KSR2: variants seen among roughly 807,000 people sequenced by gnomAD.
The protein encoded by KSR2 is kinase suppressor of ras 2.
Under a neutral mutation model 107.8 loss-of-function variants are expected in KSR2, and 25 were observed. The observed-to-expected ratio is 0.23, with a 90% CI of 0.17 to 0.32. KSR2 has a LOEUF of 0.32. Ranked by LOEUF, KSR2 falls within the 10% of genes least tolerant of loss-of-function variation. The probability of loss-of-function intolerance (pLI) is 1.00; values close to 1 mark genes in which losing one functional copy is unlikely to be tolerated. For missense variants in KSR2, 887 were observed against 1,268.9 expected (o/e 0.70, Z 4.57); for synonymous variants, 480 against 507.0 (o/e 0.95, Z 0.71).
chr12:117,641,265 T>C (rs932643229), intron 5 of KSR2, among the ~76,000 whole-genome samples: 29 of 152,230 alleles, frequency 1.9e-4, no homozygotes, highest in Non-Finnish European at 3.7e-4. Context: ...CCCAGCTAAT[T>C]TTTGTATTTT....
At chr12:117,574,474 G>A (rs1879135559) in intron 7 of KSR2, among the ~76,000 whole-genome samples, 1 of 152,100 alleles carries the variant, frequency 6.6e-6, no homozygotes, top group South Asian at 2.1e-4. Flanking sequence ...AATCATGGTG[G>A]AAACCCAAAG....
intron 4 of KSR2, among the ~76,000 whole-genome samples, chr12:117,687,796 A>G (rs922397508): frequency 1.3e-5 from 2 of 152,076 alleles, no homozygotes; most frequent in Non-Finnish European, 2.9e-5. Flanking sequence ...ATGAATCTTC[A>G]ACAGCATGAC....
chr12:117,949,037 C>A (rs916200453), intron 1 of KSR2, among the ~76,000 whole-genome samples: 1 of 151,916 alleles, frequency 6.6e-6, no homozygotes, highest in African/African-American at 2.4e-5. Context: ...GAGGTTGCAG[C>A]GAGCTGAGAT....
At position 117,929,329 on chromosome 12, in the gene KSR2, AC is replaced by A. The variant is rs916788724; in HGVS notation, c.180+38746del. On this transcript the variant is annotated intron_variant, in intron 1 of 19. Coordinates refer to ENST00000339824, the MANE Select transcript of KSR2 (RefSeq NM_173598.6). ...GAATCATGGGGGTGGTTTCCCCCAT[AC>A]TGTTCTCATGGTAGTGAATAAGTCT... 7.9e-5 allele frequency among the ~76,000 whole-genome samples: 12 copies of A among 152,284 alleles called. No individual in the cohort carries two copies. The South Asian group carries it at 2.5e-3, about 32-fold the overall frequency.
intron 1 of KSR2, chr12:117,890,702 T>C (rs1894315883): frequency 6.6e-6 from 1 of 152,236 alleles, no homozygotes. Context: ...ATTTCTTGCA[T>C]TGTTTATATA....
chr12:117,815,590 TGTGA>T (rs775052518), intron 3 of KSR2, among the ~76,000 whole-genome samples: 1 of 151,998 alleles, frequency 6.6e-6, no homozygotes, highest in African/African-American at 2.4e-5. Context: ...AGACCAAGAA[TGTGA>T]GTATTAAGTA....
rs1362672123 is a variant in KSR2 at position 117,947,196 on chromosome 12, A to AAAGAAAGAAAGAAAG, written c.180+20879_180+20880insCTTTCTTTCTTTCTT. ...AAAGAAAGAAAGAAAGAAAAGAAAG[A>AAAGAAAGAAAGAAAG]AAAGAAAGAAAAGAAAGAAAGAAAG... On this transcript the variant is annotated intron_variant, in intron 1 of 19. Transcript: ENST00000339824. 3.4e-5 allele frequency among the ~76,000 whole-genome samples: 3 copies of AAAGAAAGAAAGAAAG among 89,280 alleles called. 1 individual carries two copies. Among genetic ancestry groups the AAAGAAAGAAAGAAAG allele is most frequent in the Admixed American group, 2.6e-4 (2 of 7,698 alleles). The allele number at this position is 89,280 out of a possible 152,430, so 58.6% of individuals were successfully genotyped here.
At chr12:117,793,100 T>G (rs1258321901) in intron 3 of KSR2, among the ~76,000 whole-genome samples, 2 of 80,866 alleles carry the variant, frequency 2.5e-5, no homozygotes, top group East Asian at 4.3e-4. Context: ...ACATGCACAC[T>G]CACACCAACG....
chr12:117,810,403 C>T (rs557990183), intron 3 of KSR2, among the ~76,000 whole-genome samples: 2 of 152,146 alleles, frequency 1.3e-5, no homozygotes, highest in Admixed American at 6.5e-5. Context: ...CTTGACTTCC[C>T]AAGGTCAAGC....
intron 1 of KSR2, among the ~76,000 whole-genome samples, chr12:117,939,272 A>G (rs926972325): frequency 1.3e-5 from 2 of 152,254 alleles, no homozygotes; most frequent in Non-Finnish European, 2.9e-5. Context: ...TGTATTGAAG[A>G]TGAAATGCAA....
chr12:117,611,184 ATC>A (rs1312639457), intron 5 of KSR2, among the ~76,000 whole-genome samples: 1 of 152,190 alleles, frequency 6.6e-6, no homozygotes, highest in Non-Finnish European at 1.5e-5. Flanking sequence ...TATGACAATC[ATC>A]TCTCTTGCCT....
chr12:117,586,371 G>A (rs1451718007), intron 5 of KSR2, among the ~76,000 whole-genome samples: 1 of 152,130 alleles, frequency 6.6e-6, no homozygotes, highest in Non-Finnish European at 1.5e-5. Context: ...TGGATCACCT[G>A]AGGTCAGGAG....
intron 4 of KSR2, among the ~76,000 whole-genome samples, chr12:117,669,562 T>C (rs1463998819): frequency 7.3e-6 from 1 of 137,522 alleles, no homozygotes; most frequent in East Asian, 2.2e-4. Flanking sequence ...TAAAATACAT[T>C]GCTAAAATTA....
Position 117,525,205 on chromosome 12 carries a change from A to C in KSR2, c.1866T>G (p.His622Gln), listed in dbSNP as rs752713114. ...VEPTSENEEV[H>Q]DEAEESEDDF... ...CATCCTCTGACTCTTCGGCCTCATCATGGACCTCTTCATTCTGTGGCCGGA... is the reference window on the plus strand; with the variant it reads ...CATCCTCTGACTCTTCGGCCTCATCCTGGACCTCTTCATTCTGTGGCCGGA... The change falls in exon 14 of 20, where the codon CAT becomes CAG. Residue 622 changes from histidine to glutamine, a missense_variant. By Grantham distance (24) the His-to-Gln change is conservative (BLOSUM62 0). Coordinates refer to ENST00000339824, the MANE Select transcript of KSR2 (RefSeq NM_173598.6). 3.7e-6 allele frequency: 6 copies of C among 1,603,378 alleles called. No homozygotes were observed. The highest frequency in any genetic ancestry group is 5.1e-6 in the Non-Finnish European group (6 of 1,172,598).
intron 4 of KSR2, among the ~76,000 whole-genome samples, chr12:117,724,829 T>A (rs1175812368): frequency 6.6e-6 from 1 of 152,022 alleles, no homozygotes; most frequent in African/African-American, 2.4e-5. Flanking sequence ...AAGTATGACT[T>A]TTTTTTCTAT....
chr12:117,766,855 C>T (rs1566003379), intron 3 of KSR2, among the ~76,000 whole-genome samples: 1 of 122,074 alleles, frequency 8.2e-6, no homozygotes, highest in Non-Finnish European at 1.6e-5. Flanking sequence ...GCCAGTCGTT[C>T]AGTATGGCTA....
intron 1 of KSR2, among the ~76,000 whole-genome samples, chr12:117,926,004 C>T (rs1470971934): frequency 6.6e-6 from 1 of 152,134 alleles, no homozygotes; most frequent in Non-Finnish European, 1.5e-5. Context: ...CAAGACCAGC[C>T]TGGCCAACAT....
intron 4 of KSR2, among the ~76,000 whole-genome samples, chr12:117,713,506 G>C (rs991301010): frequency 6.6e-6 from 1 of 152,168 alleles, no homozygotes; most frequent in Non-Finnish European, 1.5e-5. Flanking sequence ...AATGTTAAGA[G>C]CAATGACTTT....
At chr12:117,864,456 T>C (rs1046920557) in intron 1 of KSR2, among the ~76,000 whole-genome samples, 28 of 152,154 alleles carry the variant, frequency 1.8e-4, no homozygotes, top group Admixed American at 1.7e-3. Context: ...CACACACATA[T>C]ATATATAGCC....
Sources: allele counts gnomAD v4.1 joint callset (sites outside exome capture counted in the v4.1 genomes callset), GRCh38; gene constraint gnomAD v4.1.1; transcripts MANE v1.5; gene names NCBI Gene and HGNC (gene_info 2026-07-23, HGNC 2026-07-21).